PTPRD: variants seen among roughly 807,000 people sequenced by gnomAD.
The protein encoded by PTPRD is receptor-type tyrosine-protein phosphatase delta.
In PTPRD, 34 loss-of-function variants were observed where a neutral mutation model predicts 214.5. That is an observed-to-expected ratio of 0.16 (90% CI 0.12 to 0.21). PTPRD has a LOEUF of 0.21. PTPRD is among the 10% of genes least tolerant of loss of function. The pLI, the probability that PTPRD is intolerant of heterozygous loss-of-function variation, is 1.00. For missense variants in PTPRD, 2,545 were observed against 2,398.7 expected, an observed-to-expected ratio of 1.06 and a Z score of -1.27; for synonymous variants, 1,128 against 845.7, an observed-to-expected ratio of 1.33 and a Z score of -5.79.
chr9:9,095,058 A>G (rs2099781541), intron 10 of PTPRD, among the ~76,000 whole-genome samples: 1 of 152,324 alleles, frequency 6.6e-6, no homozygotes, highest in Admixed American at 6.5e-5. Context: ...ACATCCATTC[A>G]TGGTAAAAAC....
chr9:10,394,957 CTTTTTTTTTT>C (rs34786789), intron 2 of PTPRD, among the ~76,000 whole-genome samples: 1 of 133,198 alleles, frequency 7.5e-6, no homozygotes, highest in African/African-American at 2.9e-5. Context: ...TTTTCTTTTT[CTTTTTTTTTT>C]TTTTTTTTAG....
chr9:10,220,300 T>C (rs2099564068), intron 3 of PTPRD, among the ~76,000 whole-genome samples: 1 of 151,956 alleles, frequency 6.6e-6, no homozygotes, highest in Non-Finnish European at 1.5e-5. Context: ...GTCTTACTTA[T>C]GTTAATTATA....
chr9:9,124,238 T>TTCC (rs1467729204), intron 10 of PTPRD, among the ~76,000 whole-genome samples: 1 of 152,298 alleles, frequency 6.6e-6, no homozygotes, highest in East Asian at 1.9e-4. Flanking sequence ...AGGTATTGGA[T>TTCC]AGTAACAAAT....
chr9:9,175,232 C>T (rs2099923924), intron 10 of PTPRD, among the ~76,000 whole-genome samples: 1 of 152,088 alleles, frequency 6.6e-6, no homozygotes, highest in Non-Finnish European at 1.5e-5. Context: ...TTTCATGTTA[C>T]CCTGTTCATC....
intron 11 of PTPRD, among the ~76,000 whole-genome samples, chr9:8,798,021 G>C (rs1193773115): frequency 6.6e-6 from 1 of 152,078 alleles, no homozygotes; most frequent in Non-Finnish European, 1.5e-5. Flanking sequence ...AAGAGAAATG[G>C]TAACTTGAGT....
At position 10,126,757 on chromosome 9, in the gene PTPRD, AT is replaced by A. The variant is rs781543267; in HGVS notation, c.-544-92968del. Among the ~76,000 whole-genome samples, 10 of 152,126 alleles carry A rather than the reference AT, an allele frequency of 6.6e-5. No homozygotes were observed. In the East Asian group the frequency reaches 1.5e-3, roughly 24 times the overall value. On this transcript the variant is annotated intron_variant, in intron 3 of 45. Transcript: ENST00000381196. ...GATGGGTATTGACTGTCATCTAGAA[AT>A]TTTGCTTGAGAACTGTTCCCTCCAT...
chr9:9,607,234 G>C (rs1257076116), intron 7 of PTPRD, among the ~76,000 whole-genome samples: 3 of 152,004 alleles, frequency 2.0e-5, no homozygotes, highest in Non-Finnish European at 2.9e-5. Flanking sequence ...ATCACAAGTA[G>C]TAACCCAATC....
chr9:10,159,122 C>T (rs960081085), intron 3 of PTPRD, among the ~76,000 whole-genome samples: 3 of 151,532 alleles, frequency 2.0e-5, no homozygotes, highest in Admixed American at 2.0e-4. Flanking sequence ...TTTACTAGAA[C>T]TCAGGTAAAT....
rs2095301853 is a variant in PTPRD, at chr9:9,623,058, G to A, written c.-286-48277C>T. ...TCAATCAACCATACCAAATTGGGCT[G>A]GGGAGACATAGCTAAATCTATAAAG... On this transcript the variant is annotated intron_variant, in intron 7 of 45. Transcript: ENST00000381196. Among the ~76,000 whole-genome samples the A allele has an allele frequency of 3.9e-5, 6 of 152,282 alleles. No individual in the cohort carries two copies. The South Asian group carries it at 1.2e-3, about 32-fold the overall frequency.
At chr9:9,828,037 C>T (rs896753244) in intron 5 of PTPRD, among the ~76,000 whole-genome samples, 5 of 152,246 alleles carry the variant, frequency 3.3e-5, no homozygotes, top group Admixed American at 3.3e-4. Context: ...GAAATAGGAA[C>T]ACTTTTACAC....
At chr9:8,719,527 G>T (rs2098469901) in intron 12 of PTPRD, among the ~76,000 whole-genome samples, 3 of 152,198 alleles carry the variant, frequency 2.0e-5, no homozygotes, top group African/African-American at 7.2e-5. Context: ...AGGAGTTGCA[G>T]GTGAGTAAGG....
At chr9:10,273,938 T>C (rs976721315) in intron 3 of PTPRD, among the ~76,000 whole-genome samples, 6 of 151,832 alleles carry the variant, frequency 4.0e-5, no homozygotes, top group African/African-American at 7.2e-5. Flanking sequence ...GCTAACTCAG[T>C]GTAACAATAG....
intron 2 of PTPRD, among the ~76,000 whole-genome samples, chr9:10,576,018 C>T (rs1235851899): frequency 6.6e-6 from 1 of 152,112 alleles, no homozygotes; most frequent in Non-Finnish European, 1.5e-5. Context: ...AATCAAGGAA[C>T]ATATGCATTA....
chr9:9,675,121 G>A lies in PTPRD; in HGVS notation c.-287+59412C>T, dbSNP rs60114022. 2.2e-3 allele frequency among the ~76,000 whole-genome samples: 339 copies of A among 151,894 alleles called. 1 individual carries two copies. Among genetic ancestry groups the A allele is most frequent in the African/African-American group, 7.8e-3 (322 of 41,502 alleles). On this transcript the variant is annotated intron_variant, in intron 7 of 45. Coordinates refer to ENST00000381196, the MANE Select transcript of PTPRD (RefSeq NM_002839.4). ...AGATTTTTGACAAACACAATCTGAT[G>A]GCAATTACATTCAAAGTCAATTATG...
chr9:8,713,885 C>T (rs535285907), intron 12 of PTPRD: 1 of 1,015,344 alleles, frequency 9.8e-7, no homozygotes, highest in Non-Finnish European at 1.4e-6. Flanking sequence ...AACTCAGGAA[C>T]GCCCCGGTGG....
intron 5 of PTPRD, among the ~76,000 whole-genome samples, chr9:9,914,429 GT>G (rs1447717009): frequency 6.6e-6 from 1 of 152,142 alleles, no homozygotes; most frequent in Non-Finnish European, 1.5e-5. Flanking sequence ...CTGAGTAGCC[GT>G]GTAGCCACGT....
At chr9:9,472,660 G>C (rs577606590) in intron 8 of PTPRD, among the ~76,000 whole-genome samples, 1 of 152,234 alleles carries the variant, frequency 6.6e-6, no homozygotes, top group Admixed American at 6.5e-5. Flanking sequence ...GCTGTGACCA[G>C]TTATCACTAT....
At chr9:10,120,015 G>A (rs2098762365) in intron 3 of PTPRD, among the ~76,000 whole-genome samples, 1 of 152,014 alleles carries the variant, frequency 6.6e-6, no homozygotes, top group Non-Finnish European at 1.5e-5. Flanking sequence ...TCAGGATAGT[G>A]ATAGAAACTT....
chr9:8,566,343 T>C (rs1327158957), intron 14 of PTPRD, among the ~76,000 whole-genome samples: 1 of 152,248 alleles, frequency 6.6e-6, no homozygotes, highest in East Asian at 1.9e-4. Flanking sequence ...CTTGTTTTCT[T>C]CACTCATGTT....
Sources: allele counts gnomAD v4.1 joint callset (sites outside exome capture counted in the v4.1 genomes callset), GRCh38; gene constraint gnomAD v4.1.1; transcripts MANE v1.5; gene names NCBI Gene and HGNC (gene_info 2026-07-23, HGNC 2026-07-21).